EYS: variants seen among roughly 807,000 people sequenced by gnomAD.
The protein encoded by EYS is protein eyes shut homolog.
Under a neutral mutation model 282.1 loss-of-function variants are expected in EYS, and 250 were observed. That is an observed-to-expected ratio of 0.89 (90% CI 0.80 to 0.98). The LOEUF (loss-of-function observed/expected upper bound fraction) is 0.98, where lower values mean the gene tolerates loss of function less well. Among genes scored for constraint, EYS ranks in the 50% least tolerant of loss-of-function variants. The pLI is 0.00. For synonymous variants in EYS, 1,355 were observed against 1,282.9 expected (o/e 1.06, Z -1.20); for missense variants, 4,016 against 3,709.0 (o/e 1.08, Z -2.15).
intron 12 of EYS, among the ~76,000 whole-genome samples, chr6:65,233,302 A>G (rs1170544265): frequency 1.3e-5 from 2 of 152,102 alleles, no homozygotes; most frequent in Admixed American, 1.3e-4. Context: ...ACCTATGAAT[A>G]CATTACCCAC....
Position 64,894,876 on chromosome 6 carries a change from G to T in EYS, c.2846+7237C>A, listed in dbSNP as rs912849766. On this transcript the variant is annotated intron_variant, in intron 18 of 42. Transcript: ENST00000503581. ...ACAAATACATCTTCTCTTTGATTTTGTTTTTTTTTACCCACAATTCTTGAA... is the reference window on the plus strand; with the variant it reads ...ACAAATACATCTTCTCTTTGATTTTTTTTTTTTTTACCCACAATTCTTGAA... Among the ~76,000 whole-genome samples, 66 of 150,622 alleles carry T rather than the reference G, an allele frequency of 4.4e-4. 1 individual carries two copies. The highest frequency in any genetic ancestry group is 7.7e-4 in the Non-Finnish European group (52 of 67,508).
At chr6:64,901,598 T>C (rs1416977724) in intron 18 of EYS, among the ~76,000 whole-genome samples, 2 of 152,108 alleles carry the variant, frequency 1.3e-5, no homozygotes, top group Non-Finnish European at 2.9e-5. Flanking sequence ...TCTACTTCTA[T>C]GTATGTAACC....
chr6:65,278,358 A>G (rs1768120032), intron 12 of EYS, among the ~76,000 whole-genome samples: 1 of 142,466 alleles, frequency 7.0e-6, no homozygotes, highest in African/African-American at 2.5e-5. Flanking sequence ...TTCTATATAT[A>G]GAATATATAT....
At chr6:64,607,685 T>C (rs1364873853) in intron 24 of EYS, among the ~76,000 whole-genome samples, 1 of 152,124 alleles carries the variant, frequency 6.6e-6, no homozygotes, top group Non-Finnish European at 1.5e-5. Flanking sequence ...GATAAGCTAA[T>C]CTTTATATAA....
At chr6:64,369,730 T>C (rs1427044898) in intron 29 of EYS, among the ~76,000 whole-genome samples, 1 of 151,952 alleles carries the variant, frequency 6.6e-6, no homozygotes, top group Non-Finnish European at 1.5e-5. Context: ...AATCCCATAG[T>C]CTTTGTCCTA....
intron 12 of EYS, among the ~76,000 whole-genome samples, chr6:65,101,854 T>C (rs371390218): frequency 5.9e-5 from 9 of 151,400 alleles, no homozygotes; most frequent in African/African-American, 2.2e-4. Flanking sequence ...GACAATACTG[T>C]ATGTTACCCT....
At chr6:64,074,821 CACTT>C (rs999886850) in intron 32 of EYS, among the ~76,000 whole-genome samples, 3 of 151,790 alleles carry the variant, frequency 2.0e-5, no homozygotes, top group Non-Finnish European at 4.4e-5. Context: ...TTTTTCAAAA[CACTT>C]ACATAGATAT....
chr6:64,387,778 C>T (rs563301217), intron 29 of EYS, among the ~76,000 whole-genome samples: 14 of 152,134 alleles, frequency 9.2e-5, no homozygotes, highest in South Asian at 2.1e-4. Context: ...TAAATCTCTG[C>T]GTGCTTACAG....
chr6:65,605,916 T>C (rs911546490), intron 2 of EYS, among the ~76,000 whole-genome samples: 4 of 151,732 alleles, frequency 2.6e-5, no homozygotes, highest in African/African-American at 7.2e-5. Context: ...TATATTGTGG[T>C]CAATGTTTAC....
intron 22 of EYS, among the ~76,000 whole-genome samples, chr6:64,665,695 G>A (rs966469045): frequency 3.3e-5 from 5 of 152,138 alleles, no homozygotes; most frequent in African/African-American, 4.8e-5. Flanking sequence ...CAATTGTCAC[G>A]TTTTCACTTC....
intron 13 of EYS, among the ~76,000 whole-genome samples, chr6:65,010,377 T>A (rs1165361171): frequency 1.3e-5 from 2 of 152,240 alleles, no homozygotes; most frequent in Non-Finnish European, 2.9e-5. Flanking sequence ...GACAACCATT[T>A]ACTTAAATAT....
chr6:64,465,517 A>G (rs111941266), intron 26 of EYS, among the ~76,000 whole-genome samples: 1,565 of 152,268 alleles, frequency 0.01, 28 homozygotes, highest in African/African-American at 0.035. Context: ...TATCTTTTAT[A>G]AATGGTGTTG....
At chr6:65,323,962 G>A (rs1273493988) in intron 11 of EYS, among the ~76,000 whole-genome samples, 8 of 152,344 alleles carry the variant, frequency 5.3e-5, no homozygotes, top group African/African-American at 1.9e-4. Flanking sequence ...AGTCACTCTG[G>A]TCTCACCTCT....
intron 23 of EYS, among the ~76,000 whole-genome samples, chr6:64,624,111 G>A (rs775468050): frequency 6.6e-6 from 1 of 152,098 alleles, no homozygotes; most frequent in East Asian, 1.9e-4. Context: ...AAAGGTATCA[G>A]CAGATTTTGA....
In EYS at chr6:64,600,088, G is replaced by C. The variant is rs1462520795; in HGVS notation, c.3685-6779C>G. Among the ~76,000 whole-genome samples, 5 of 152,032 alleles carry C rather than the reference G, an allele frequency of 3.3e-5. No homozygotes were observed. The East Asian group carries it at 9.6e-4, about 29-fold the overall frequency. On this transcript the variant is annotated intron_variant, in intron 24 of 42. Coordinates refer to ENST00000503581, the MANE Select transcript of EYS (RefSeq NM_001142800.2). Reference sequence around the variant, plus strand: ...ATCCTTATTTTCTACAAGAAATAAGGAGTACATAATACAGAAAAAACCCAG... The same window carrying C: ...ATCCTTATTTTCTACAAGAAATAAGCAGTACATAATACAGAAAAAACCCAG...
At chr6:64,589,777 G>T (rs764870336) in intron 26 of EYS, among the ~76,000 whole-genome samples, 2 of 151,880 alleles carry the variant, frequency 1.3e-5, no homozygotes, top group African/African-American at 2.4e-5. Context: ...TGCCATAGAG[G>T]ATAGGAAATC....
intron 14 of EYS, among the ~76,000 whole-genome samples, chr6:64,991,737 G>T (rs574194304): frequency 6.6e-6 from 1 of 151,562 alleles, no homozygotes; most frequent in Non-Finnish European, 1.5e-5. Context: ...CATTAAAACC[G>T]AAGGAGGAAT....
At chr6:63,742,366 G>A (rs1018783283) in intron 41 of EYS, among the ~76,000 whole-genome samples, 10 of 152,120 alleles carry the variant, frequency 6.6e-5, no homozygotes, top group African/African-American at 2.4e-4. Context: ...TGTGGGTCAG[G>A]CACTGGTCTT....
intron 11 of EYS, among the ~76,000 whole-genome samples, chr6:65,298,442 T>C (rs1466908): frequency 0.94 from 142,307 of 151,940 alleles, 66,961 homozygotes; most frequent in East Asian, 1. Flanking sequence ...AAATTTGAAA[T>C]GGTAATTGAC....
Sources: gnomAD v4.1 joint callset for allele counts (sites outside exome capture counted in the v4.1 genomes callset) on GRCh38, gnomAD v4.1.1 for gene constraint, MANE v1.5 for transcripts, NCBI Gene and HGNC (gene_info 2026-07-23, HGNC 2026-07-21) for gene names.